YAP1: variants seen among roughly 807,000 people sequenced by gnomAD.
YAP1 encodes the protein transcriptional coactivator YAP1.
A neutral mutation model predicts 56.9 loss-of-function variants in YAP1; 5 were observed. That is an observed-to-expected ratio of 0.09 (90% CI 0.05 to 0.18). The LOEUF is 0.18. Ranked by LOEUF, YAP1 falls within the 10% of genes least tolerant of loss-of-function variation. YAP1 has a pLI of 1.00. For missense variants in YAP1, 539 were observed against 651.8 expected, an observed-to-expected ratio of 0.83 and a Z score of 1.88; for synonymous variants, 265 against 248.1, an observed-to-expected ratio of 1.07 and a Z score of -0.64.
chr11:102,197,368 T>G, intron 4 of YAP1, among the ~76,000 whole-genome samples: 1 of 152,218 alleles, frequency 6.6e-6, no homozygotes, highest in Non-Finnish European at 1.5e-5. Flanking sequence ...GAATTAAATT[T>G]ATTATTCCAA....
At chr11:102,127,140 A>C (rs1304244528) in intron 2 of YAP1, among the ~76,000 whole-genome samples, 1 of 152,244 alleles carries the variant, frequency 6.6e-6, no homozygotes, top group Non-Finnish European at 1.5e-5. Context: ...GTAGAAAATA[A>C]AAACCCATTT....
intron 5 of YAP1, among the ~76,000 whole-genome samples, chr11:102,207,288 GT>G (rs970247394): frequency 4.6e-5 from 7 of 151,848 alleles, no homozygotes; most frequent in African/African-American, 7.3e-5. Flanking sequence ...TAGGTTTTTT[GT>G]TTTTTGTTAA....
Position 102,126,446 on chromosome 11 carries a change from A to C in YAP1, c.572+12052A>C, listed in dbSNP as rs184675789. 5.3e-5 allele frequency among the ~76,000 whole-genome samples: 8 copies of C among 152,260 alleles called. No homozygotes were observed. The East Asian group carries it at 1.5e-3, about 29-fold the overall frequency. On this transcript the variant is annotated intron_variant, in intron 2 of 8. Coordinates refer to ENST00000282441, the MANE Select transcript of YAP1 (RefSeq NM_001130145.3). ...TTCCCGTGCTATTCTCGTGATAGTG[A>C]ATAAGTCTCATGAGATCTAATGGGT...
At chr11:102,146,575 G>T (rs1945333474) in intron 2 of YAP1, among the ~76,000 whole-genome samples, 1 of 152,224 alleles carries the variant, frequency 6.6e-6, no homozygotes, top group Non-Finnish European at 1.5e-5. Flanking sequence ...TTTTCCTGTA[G>T]CTCGTACTAA....
At chr11:102,128,965 C>A (rs1051023132) in intron 2 of YAP1, among the ~76,000 whole-genome samples, 4 of 151,782 alleles carry the variant, frequency 2.6e-5, no homozygotes, top group Non-Finnish European at 4.4e-5. Context: ...CCCTCCCTCT[C>A]GCTTCCCTAT....
intron 4 of YAP1, among the ~76,000 whole-genome samples, chr11:102,195,098 T>G (rs1301245322): frequency 6.6e-6 from 1 of 152,120 alleles, no homozygotes; most frequent in Non-Finnish European, 1.5e-5. Context: ...CTTTCCTAAC[T>G]AGACCTTAAA....
chr11:102,229,275 G>A (rs1476359426), intron 8 of YAP1, among the ~76,000 whole-genome samples: 2 of 152,106 alleles, frequency 1.3e-5, no homozygotes, highest in East Asian at 3.9e-4. Flanking sequence ...TTCTATTTTA[G>A]TGTTTCCCAA....
intron 4 of YAP1, among the ~76,000 whole-genome samples, chr11:102,203,552 A>G (rs1489387836): frequency 6.6e-6 from 1 of 152,218 alleles, no homozygotes; most frequent in Non-Finnish European, 1.5e-5. Context: ...GCTGAAAAGT[A>G]GTTGAGGATA....
At chr11:102,148,142 C>T (rs1184553059) in intron 2 of YAP1, among the ~76,000 whole-genome samples, 2 of 152,194 alleles carry the variant, frequency 1.3e-5, no homozygotes, top group Non-Finnish European at 2.9e-5. Context: ...TTTTAAAATT[C>T]TAGCCAGTTT....
At chr11:102,174,107 G>A (rs377069939) in intron 3 of YAP1, among the ~76,000 whole-genome samples, 103 of 152,272 alleles carry the variant, frequency 6.8e-4, no homozygotes, top group African/African-American at 2.2e-3. Flanking sequence ...TTAAAGGAGT[G>A]CACAAATAGA....
chr11:102,142,196 GC>G (rs2135295267), intron 2 of YAP1, among the ~76,000 whole-genome samples: 1 of 151,012 alleles, frequency 6.6e-6, no homozygotes, highest in Admixed American at 6.7e-5. Context: ...AAGAATAAAA[GC>G]TCTAACAGTG....
intron 3 of YAP1, among the ~76,000 whole-genome samples, chr11:102,180,097 A>C (rs1281801109): frequency 6.8e-6 from 1 of 148,038 alleles, no homozygotes; most frequent in African/African-American, 2.5e-5. Flanking sequence ...GCAACCTCCA[A>C]CTCCCGGGTA....
intron 6 of YAP1, 86 bp from the exon 7 acceptor site, chr11:102,223,536 A>C: frequency 1.2e-4 from 167 of 1,419,892 alleles, no homozygotes; most frequent in Non-Finnish European, 1.5e-4. Flanking sequence ...CTGCACGGTT[A>C]CTCTGATGAA....
In YAP1 at chr11:102,123,635, T is replaced by TTC. The variant is rs1426357887; in HGVS notation, c.572+9242_572+9243insCT. Among the ~76,000 whole-genome samples the TTC allele has an allele frequency of 1.3e-3, 127 of 98,460 alleles. 1 individual carries two copies. The highest frequency in any genetic ancestry group is 7.3e-3 in the South Asian group (14 of 1,928). 64.6% of individuals were successfully genotyped at this position (98,460 alleles called of 152,430 possible). Reference sequence around the variant, plus strand: ...TGGCATTACTCCGTTTTCTTTTCTTTTTTTTTTTTTCTTTTTTTTTTCGAG... The same window carrying TTC: ...TGGCATTACTCCGTTTTCTTTTCTTTTCTTTTTTTTTTCTTTTTTTTTTCGAG... On this transcript the variant is annotated intron_variant, in intron 2 of 8. Transcript: ENST00000282441.
chr11:102,174,118 A>G (rs1947085390), intron 3 of YAP1, among the ~76,000 whole-genome samples: 1 of 152,224 alleles, frequency 6.6e-6, no homozygotes, highest in East Asian at 1.9e-4. Flanking sequence ...CACAAATAGA[A>G]TACTGTTGAA....
Position 102,151,840 on chromosome 11 carries a change from C to CACTTAATAGTTTAA in YAP1, c.573-10616_573-10615insACTTAATAGTTTAA. On this transcript the variant is annotated intron_variant, in intron 2 of 8. Coordinates refer to ENST00000282441, the MANE Select transcript of YAP1 (RefSeq NM_001130145.3). ...GTTCTGCCTCTACGACCCATTAGTG[C>CACTTAATAGTTTAA]CATCACCTCAGGCATGGTTGAGTGA... Among the ~76,000 whole-genome samples the CACTTAATAGTTTAA allele has an allele frequency of 2.6e-5, 4 of 152,184 alleles. No individual in the cohort carries two copies. The South Asian group carries it at 8.3e-4, about 32-fold the overall frequency.
At chr11:102,113,018 G>C (rs942459902) in intron 1 of YAP1, among the ~76,000 whole-genome samples, 4 of 151,922 alleles carry the variant, frequency 2.6e-5, no homozygotes, top group Admixed American at 2.0e-4. Flanking sequence ...TTTTAACTAA[G>C]TGTTTTGCAT....
chr11:102,225,952 G>A (rs1215451508), intron 7 of YAP1, among the ~76,000 whole-genome samples: 1 of 152,162 alleles, frequency 6.6e-6, no homozygotes, highest in East Asian at 1.9e-4. Context: ...GGTTCTGCAG[G>A]GAGCAGTTCC....
intron 2 of YAP1, among the ~76,000 whole-genome samples, chr11:102,133,263 T>G (rs1944474147): frequency 6.6e-6 from 1 of 152,208 alleles, no homozygotes; most frequent in African/African-American, 2.4e-5. Flanking sequence ...CTCTAGGATT[T>G]TAAGTTTATT....
Sources: allele counts gnomAD v4.1 joint callset (sites outside exome capture counted in the v4.1 genomes callset), GRCh38; gene constraint gnomAD v4.1.1; transcripts MANE v1.5; gene names NCBI Gene and HGNC (gene_info 2026-07-23, HGNC 2026-07-21).